IGSF21: variants seen among roughly 807,000 people sequenced by gnomAD.
IGSF21 encodes immunoglobin superfamily member 21, also known as immunoglobulin superfamily member 21.
A neutral mutation model predicts 46.8 loss-of-function variants in IGSF21; 28 were observed. That is an observed-to-expected ratio of 0.60 (90% confidence interval 0.44 to 0.82). The LOEUF is 0.82. IGSF21 is among the 40% of genes least tolerant of loss of function. The probability of loss-of-function intolerance (pLI) is 0.00; values close to 1 mark genes in which losing one functional copy is unlikely to be tolerated. For synonymous variants in IGSF21, 284 were observed against 273.6 expected, an observed-to-expected ratio of 1.04 and a Z score of -0.38; for missense variants, 624 against 665.5, an observed-to-expected ratio of 0.94 and a Z score of 0.69.
At chr1:18,369,248 TCA>T (rs1299797226) in intron 6 of IGSF21, among the ~76,000 whole-genome samples, 1 of 152,206 alleles carries the variant, frequency 6.6e-6, no homozygotes, top group Non-Finnish European at 1.5e-5. Context: ...TCTCTGAGTC[TCA>T]GTTTTCTGAC....
At chr1:18,278,528 TTTTTTTG>T (rs1397239703) in intron 2 of IGSF21, among the ~76,000 whole-genome samples, 3 of 132,198 alleles carry the variant, frequency 2.3e-5, no homozygotes, top group African/African-American at 9.2e-5. Context: ...GGTGTAAGGT[TTTTTTTG>T]TTTGTTTGTT....
At chr1:18,150,464 G>A (rs558738598) in intron 1 of IGSF21, among the ~76,000 whole-genome samples, 10 of 152,244 alleles carry the variant, frequency 6.6e-5, no homozygotes, top group South Asian at 6.2e-4. Context: ...AGTTCCTGCC[G>A]TGTGCAGTCA....
At chr1:18,177,398 T>C (rs1557573397) in intron 1 of IGSF21, among the ~76,000 whole-genome samples, 1 of 84,820 alleles carries the variant, frequency 1.2e-5, no homozygotes, top group Non-Finnish European at 2.1e-5. Context: ...GTGAGGTGTG[T>C]GTGTGTGTGT....
intron 3 of IGSF21, among the ~76,000 whole-genome samples, chr1:18,306,982 C>T (rs1424869428): frequency 3.9e-5 from 6 of 152,214 alleles, no homozygotes; most frequent in Non-Finnish European, 5.9e-5. Context: ...ATTGGTTCTG[C>T]GTATTCGCAT....
intron 1 of IGSF21, among the ~76,000 whole-genome samples, chr1:18,199,822 C>T (rs2087050466): frequency 6.6e-6 from 1 of 151,908 alleles, no homozygotes; most frequent in African/African-American, 2.4e-5. Context: ...ATCGGGAGCT[C>T]AGAGCCCCTC....
At chr1:18,250,098 G>GCTCCCTCCCTCCCTCCCTCC (rs781326742) in intron 2 of IGSF21, among the ~76,000 whole-genome samples, 1 of 59,842 alleles carries the variant, frequency 1.7e-5, no homozygotes, top group Non-Finnish European at 3.2e-5. Flanking sequence ...TCCCTCCCTC[G>GCTCCCTCCCTCCCTCCCTCC]CTCCCTCCCT....
chr1:18,151,339 C>T (rs915769321), intron 1 of IGSF21, among the ~76,000 whole-genome samples: 4 of 152,252 alleles, frequency 2.6e-5, no homozygotes, highest in African/African-American at 7.2e-5. Flanking sequence ...TGAGCACTCA[C>T]ATCCAGGCAA....
rs1374773671 is a variant in IGSF21, at chr1:18,337,644, T to C, written c.424+2634T>C. Among the ~76,000 whole-genome samples, 4 of 54,322 alleles carry C rather than the reference T, an allele frequency of 7.4e-5. No homozygotes were observed. The highest frequency in any genetic ancestry group is 1.6e-4 in the Non-Finnish European group (4 of 24,622). 35.6% of individuals were successfully genotyped at this position (54,322 alleles called of 152,430 possible). A position where few individuals can be genotyped will look rare whatever the true frequency, so the allele number is the denominator to read the frequency against. On this transcript the variant is annotated intron_variant, in intron 4 of 9. Transcript: ENST00000251296. The surrounding 1 kb of genome is among the most constrained non-coding windows in gnomAD (Gnocchi z 5.7). ...GGCAGAGACAGGGGTCTCTCCTTAC[T>C]CACCTTCTCTGGGCTTCTTCCCCAA... is the stretch of plus-strand genomic sequence containing the variant.
At chr1:18,205,930 C>T (rs1432172559) in intron 1 of IGSF21, among the ~76,000 whole-genome samples, 1 of 152,234 alleles carries the variant, frequency 6.6e-6, no homozygotes. Context: ...GCACTTAACA[C>T]TATGCCTACC....
intron 1 of IGSF21, among the ~76,000 whole-genome samples, chr1:18,202,709 G>T (rs963407793): frequency 6.6e-6 from 1 of 152,170 alleles, no homozygotes; most frequent in Non-Finnish European, 1.5e-5. Context: ...CCTCCCACCA[G>T]GTCCTTCCCT....
chr1:18,229,724 A>T (rs1356591466), intron 2 of IGSF21, among the ~76,000 whole-genome samples: 1 of 152,222 alleles, frequency 6.6e-6, no homozygotes, highest in African/African-American at 2.4e-5. Flanking sequence ...AAGTCAAGGC[A>T]TATGTTAAAT....
intron 3 of IGSF21, among the ~76,000 whole-genome samples, chr1:18,295,867 CA>C (rs914732897): frequency 2.0e-5 from 3 of 152,188 alleles, no homozygotes; most frequent in Non-Finnish European, 2.9e-5. Flanking sequence ...CTCGTCCCTC[CA>C]GGGGGACAGT....
intron 3 of IGSF21, among the ~76,000 whole-genome samples, chr1:18,331,919 G>A (rs1412330199): frequency 6.6e-6 from 1 of 152,138 alleles, no homozygotes; most frequent in Non-Finnish European, 1.5e-5. Flanking sequence ...GGCTAATGGT[G>A]GAGGACAGGT....
At chr1:18,323,686 G>A (rs1420241359) in intron 3 of IGSF21, among the ~76,000 whole-genome samples, 6 of 152,198 alleles carry the variant, frequency 3.9e-5, no homozygotes, top group Admixed American at 6.5e-5. Context: ...AGAGGGCATC[G>A]GCTGGAGTAT....
At chr1:18,294,390 C>G (rs1488070211) in intron 3 of IGSF21, among the ~76,000 whole-genome samples, 1 of 152,186 alleles carries the variant, frequency 6.6e-6, no homozygotes, top group Admixed American at 6.5e-5. Context: ...ATAAAGCCTC[C>G]TTTTATGCGC....
At chr1:18,300,377 C>T (rs1466388838) in intron 3 of IGSF21, among the ~76,000 whole-genome samples, 2 of 152,212 alleles carry the variant, frequency 1.3e-5, no homozygotes, top group Non-Finnish European at 1.5e-5. Context: ...TGGCCGGCAC[C>T]AAGGCATAGA....
At position 18,143,586 on chromosome 1, in the gene IGSF21, G is replaced by C. The variant is rs555071726; in HGVS notation, c.70+35388G>C. Among the ~76,000 whole-genome samples the C allele has an allele frequency of 1.6e-4, 24 of 152,282 alleles. 1 individual carries two copies. In the South Asian group the frequency reaches 4.6e-3, roughly 29 times the overall value. ...GCCTTGTGGGGGTGGATGAAGTCTT[G>C]CTGGAGAATCTGTTCCCATGGCCTG... is the stretch of plus-strand genomic sequence containing the variant. On this transcript the variant is annotated intron_variant, in intron 1 of 9. Transcript: ENST00000251296.
intron 1 of IGSF21, among the ~76,000 whole-genome samples, chr1:18,128,615 T>C (rs2086292907): frequency 6.6e-6 from 1 of 152,190 alleles, no homozygotes; most frequent in South Asian, 2.1e-4. Flanking sequence ...GAAGCAATTC[T>C]AGACCTGTTC....
At chr1:18,358,438 GT>G (rs2086048200) in intron 4 of IGSF21, among the ~76,000 whole-genome samples, 1 of 152,150 alleles carries the variant, frequency 6.6e-6, no homozygotes, top group Non-Finnish European at 1.5e-5. Flanking sequence ...TAAGACTTCT[GT>G]TTTACACTTA....
Sources: allele counts gnomAD v4.1 joint callset (sites outside exome capture counted in the v4.1 genomes callset), GRCh38; gene constraint gnomAD v4.1.1; non-coding constraint Gnocchi (gnomAD v3.1); transcripts MANE v1.5; gene names NCBI Gene and HGNC (gene_info 2026-07-23, HGNC 2026-07-21).